The following PIK3CG variants were observed in gnomAD, a reference collection of about 807,000 sequenced individuals.
PIK3CG encodes phosphatidylinositol-4,5-bisphosphate 3-kinase catalytic subunit gamma, also known as phosphatidylinositol 4,5-bisphosphate 3-kinase catalytic subunit gamma isoform.
Under a neutral mutation model 102.3 loss-of-function variants are expected in PIK3CG, and 55 were observed. The ratio of observed to expected loss-of-function variants is 0.54; its 90% CI spans 0.43 to 0.67. The LOEUF (loss-of-function observed/expected upper bound fraction) is 0.67. Ranked by LOEUF, PIK3CG falls within the 30% of genes least tolerant of loss-of-function variation. PIK3CG has a pLI of 0.00. For synonymous variants in PIK3CG, 552 were observed against 540.0 expected (o/e 1.02, Z -0.31); for missense variants, 1,258 against 1,391.8 (o/e 0.90, Z 1.53).
intron 5 of PIK3CG, among the ~76,000 whole-genome samples, chr7:106,876,746 T>G (rs1790759306): frequency 6.6e-6 from 1 of 152,150 alleles, no homozygotes; most frequent in Non-Finnish European, 1.5e-5. Context: ...GGATACAAAT[T>G]CTTTATCAGA....
Position 106,869,527 on chromosome 7 carries a change from G to A in PIK3CG, c.1966G>A (p.Val656Ile), listed in dbSNP as rs759069924. 4 of 1,613,044 alleles carry A rather than the reference G, an allele frequency of 2.5e-6. No individual in the cohort carries two copies. The highest frequency in any genetic ancestry group is 2.2e-5 in the South Asian group (2 of 91,020). Reference sequence around the variant, plus strand: ...ACTGGAGAGCTTGGAGGACGATGATGTTCTGCATTACCTTCTACAATTGGT... The same window carrying A: ...ACTGGAGAGCTTGGAGGACGATGATATTCTGCATTACCTTCTACAATTGGT... ...QKLESLEDDD[V>I]LHYLLQLVQA... The change falls in exon 2 of 11, where the codon GTT (valine) becomes ATT (isoleucine). Residue 656 changes from valine (V) to isoleucine (I), a missense_variant. Transcript: ENST00000496166. This position sits in a 1 kb window ranked among gnomAD's most constrained non-coding sequence, Gnocchi z 5.3.
In PIK3CG at chr7:106,889,307, G is replaced by A. The variant is rs557164979; in HGVS notation, c.3030+3015G>A. Among the ~76,000 whole-genome samples the A allele has an allele frequency of 6.6e-5, 10 of 152,252 alleles. No homozygotes were observed. In the South Asian group the frequency reaches 2.1e-3, roughly 32 times the overall value. ...CAAAGTTTACAGCATGACAAAGATG[G>A]ACAGCAGAGTTTTTCATCATTTGAC... On this transcript the variant is annotated intron_variant, in intron 10 of 10. Transcript: ENST00000496166.
intron 7 of PIK3CG, 101 bp from the exon 8 acceptor site, chr7:106,882,932 A>C (rs1477566184): frequency 8.1e-6 from 8 of 982,348 alleles, no homozygotes; most frequent in East Asian, 2.6e-5. Context: ...AAAAAAAAAA[A>C]AAAAACCCTC....
rs1353736300 is a variant in PIK3CG at position 106,897,383 on chromosome 7, CTT to C, written c.3031-7724_3031-7723del. Among the ~76,000 whole-genome samples, 1 of 152,112 alleles carries C rather than the reference CTT, an allele frequency of 6.6e-6. No individual in the cohort carries two copies. The highest frequency in any genetic ancestry group is 1.9e-4 in the East Asian group (1 of 5,190). On this transcript the variant is annotated intron_variant, in intron 10 of 10. Transcript: ENST00000496166. This position sits in a 1 kb window ranked among gnomAD's most constrained non-coding sequence, Gnocchi z 4.6. ...TGTTTTACATAGAGTAAAAATCACC[CTT>C]TCTTTTATTTTTGGCTGGGGGTACA...
At position 106,872,781 on chromosome 7, in the gene PIK3CG, G is replaced by A. The variant is rs941020326; in HGVS notation, c.2130G>A (p.Gln710=). Residue 710 remains glutamine (Q), a synonymous_variant, in exon 4 of 11, where the codon CAG becomes CAA. Coordinates refer to ENST00000496166, the MANE Select transcript of PIK3CG (RefSeq NM_001282426.2). This position sits in a 1 kb window ranked among gnomAD's most constrained non-coding sequence, Gnocchi z 5.3. ...AGATAGCCCAGTCCAGACACTATCA[G>A]CAGAGGTTCGCTGTGATTCTGGAAG... The part of the protein sequence containing the change: ...RSEIAQSRHY[Q]QRFAVILEAY... The A allele has an allele frequency of 3.7e-6, 6 of 1,614,082 alleles. No individual in the cohort carries two copies. The African/African-American group carries it at 6.7e-5, about 18-fold the overall frequency.
Position 106,908,621 on chromosome 7 carries a change from G to A in PIK3CG, c.*3234G>A, listed in dbSNP as rs1025009480. Among the ~76,000 whole-genome samples the A allele has an allele frequency of 8.5e-5, 13 of 152,096 alleles. No homozygotes were observed. The highest frequency in any genetic ancestry group is 1.6e-4 in the Non-Finnish European group (11 of 68,024). ...ATATCAATTCCCAGAGAAAACTCTT[G>A]ACTTAAAAACTTAACTGTAGTAAAT... On this transcript the variant is annotated 3_prime_UTR_variant, in exon 11 of 11. Transcript: ENST00000496166. The surrounding 1 kb of genome is among the most constrained non-coding windows in gnomAD (Gnocchi z 4.1).
chr7:106,904,290 A>G (rs187003464), intron 10 of PIK3CG, among the ~76,000 whole-genome samples: 10 of 152,250 alleles, frequency 6.6e-5, no homozygotes, highest in South Asian at 6.2e-4. Flanking sequence ...ATTATGCTCA[A>G]TATTTATTAT....
chr7:106,866,651 C>T (rs557128631), intron 1 of PIK3CG, among the ~76,000 whole-genome samples: 1 of 152,198 alleles, frequency 6.6e-6, no homozygotes, highest in East Asian at 1.9e-4. Flanking sequence ...GTTAAAATTA[C>T]CTAAATGTTC....
intron 5 of PIK3CG, among the ~76,000 whole-genome samples, chr7:106,876,937 C>T (rs1301223637): frequency 6.6e-6 from 1 of 152,116 alleles, no homozygotes; most frequent in Non-Finnish European, 1.5e-5. Context: ...GTGTCTCACA[C>T]CTGTAATTCC....
rs1790425826 is a variant in PIK3CG at position 106,868,921 on chromosome 7, T to A, written c.1360T>A (p.Ser454Thr). Reference protein sequence around the residue: ...KASAESPSSESKGKVQLLYYV... With the variant: ...KASAESPSSETKGKVQLLYYV... ...CTCTGCAGAGTCCCCCAGTTCTGAG[T>A]CCAAGGGCAAAGTTCAGCTTCTCTA... is the stretch of plus-strand genomic sequence containing the variant. The change falls in exon 2 of 11, where the codon TCC becomes ACC. Residue 454 changes from serine (S) to threonine (T), a missense_variant. Coordinates refer to ENST00000496166, the MANE Select transcript of PIK3CG (RefSeq NM_001282426.2). The surrounding 1 kb of genome is among the most constrained non-coding windows in gnomAD (Gnocchi z 6.2). The A allele has an allele frequency of 1.2e-6, 2 of 1,614,116 alleles. No individual in the cohort carries two copies. The highest frequency in any genetic ancestry group is 2.7e-5 in the African/African-American group (2 of 75,000).
In PIK3CG at chr7:106,890,313, C is replaced by T. The variant is rs889783217; in HGVS notation, c.3030+4021C>T. Among the ~76,000 whole-genome samples, 1 of 152,166 alleles carries T rather than the reference C, an allele frequency of 6.6e-6. No homozygotes were observed. Among genetic ancestry groups the T allele is most frequent in the African/African-American group, 2.4e-5 (1 of 41,432 alleles). On this transcript the variant is annotated intron_variant, in intron 10 of 10. Coordinates refer to ENST00000496166, the MANE Select transcript of PIK3CG (RefSeq NM_001282426.2). The surrounding 1 kb of genome is among the most constrained non-coding windows in gnomAD (Gnocchi z 4.2). ...TCTCCTGCCTCAGCCTTCCAAGTAG[C>T]TGGGACTACAGGCGCCTGCCACCAC...
Position 106,867,855 on chromosome 7 carries a change from G to A in PIK3CG, c.294G>A (p.Leu98=), listed in dbSNP as rs746778370. 1 of 1,612,906 alleles carries A rather than the reference G, an allele frequency of 6.2e-7. No homozygotes were observed. Among genetic ancestry groups the A allele is most frequent in the African/African-American group, 1.3e-5 (1 of 75,070 alleles). ...YHRLGPHHFL[L]LYQKKGQWYE... Reference sequence around the variant, plus strand: ...GGCTGGGACCGCATCACTTCCTCCTGCTCTATCAGAAGAAGGGGCAGTGGT... The same window carrying A: ...GGCTGGGACCGCATCACTTCCTCCTACTCTATCAGAAGAAGGGGCAGTGGT... Residue 98 remains leucine (L), a synonymous_variant, in exon 2 of 11, where the codon CTG becomes CTA. Transcript: ENST00000496166. This position sits in a 1 kb window ranked among gnomAD's most constrained non-coding sequence, Gnocchi z 5.1.
chr7:106,889,617 A>G (rs544426636), intron 10 of PIK3CG, among the ~76,000 whole-genome samples: 1 of 152,356 alleles, frequency 6.6e-6, no homozygotes, highest in South Asian at 2.1e-4. Context: ...CATGCTGCGT[A>G]TTTGAATAAC....
chr7:106,889,876 C>G (rs1275330349), intron 10 of PIK3CG, among the ~76,000 whole-genome samples: 3 of 152,106 alleles, frequency 2.0e-5, no homozygotes, highest in African/African-American at 7.2e-5. Flanking sequence ...AACACAAAAC[C>G]AAGGCCCAGC....
At chr7:106,870,768 C>A (rs1584320551) in intron 2 of PIK3CG, among the ~76,000 whole-genome samples, 1 of 152,190 alleles carries the variant, frequency 6.6e-6, no homozygotes, top group African/African-American at 2.4e-5. Context: ...TGGATAGCCT[C>A]AACTTAAACT....
Position 106,879,615 on chromosome 7 carries a change from A to G in PIK3CG, c.2488A>G (p.Ile830Val). ...PTALSNETIG[I>V]IFKHGDDLRQ... Reference sequence around the variant, plus strand: ...AGCCCTATCAAATGAAACAATTGGAATTATCTTTAAACATGGTGATGATCT... The same window carrying G: ...AGCCCTATCAAATGAAACAATTGGAGTTATCTTTAAACATGGTGATGATCT... The change falls in exon 6 of 11, where the codon ATT (isoleucine) becomes GTT (valine). Residue 830 changes from isoleucine (I) to valine (V), a missense_variant. By Grantham distance (29) the Ile-to-Val change is conservative (BLOSUM62 3). Coordinates refer to ENST00000496166, the MANE Select transcript of PIK3CG (RefSeq NM_001282426.2). The surrounding 1 kb of genome is among the most constrained non-coding windows in gnomAD (Gnocchi z 4.9). 1.2e-6 allele frequency: 2 copies of G among 1,613,014 alleles called. No individual in the cohort carries two copies. Among genetic ancestry groups the G allele is most frequent in the Non-Finnish European group, 1.7e-6 (2 of 1,179,006 alleles).
At chr7:106,882,946 C>A (rs2116542319) in intron 7 of PIK3CG, 87 bp from the exon 8 acceptor site, 1 of 1,047,226 alleles carries the variant, frequency 9.5e-7, no homozygotes. Flanking sequence ...AACCCTCTGC[C>A]CTTCACTCAA....
At position 106,895,094 on chromosome 7, in the gene PIK3CG, G is replaced by A. The variant is rs1178984593; in HGVS notation, c.3030+8802G>A. The stretch of plus-strand genomic sequence containing the variant: ...TTAGCTACTAATGGAGAATGTTCTA[G>A]CTAATGGCATTAATAATAATGTAAT... On this transcript the variant is annotated intron_variant, in intron 10 of 10. Coordinates refer to ENST00000496166, the MANE Select transcript of PIK3CG (RefSeq NM_001282426.2). This position sits in a 1 kb window ranked among gnomAD's most constrained non-coding sequence, Gnocchi z 5.4. 6.6e-6 allele frequency among the ~76,000 whole-genome samples: 1 copy of A among 152,178 alleles called. No homozygotes were observed. Among genetic ancestry groups the A allele is most frequent in the Non-Finnish European group, 1.5e-5 (1 of 68,030 alleles).
chr7:106,869,067 C>T lies in PIK3CG; in HGVS notation c.1506C>T (p.Leu502=), dbSNP rs1790435019. The part of the protein sequence containing the change: ...EDQGSFNADK[L]TSATNPDKEN... ...AAGGAAGCTTCAATGCTGACAAACTCACGTCTGCAACTAACCCAGACAAGG... is the reference window on the plus strand; with the variant it reads ...AAGGAAGCTTCAATGCTGACAAACTTACGTCTGCAACTAACCCAGACAAGG... The change falls in exon 2 of 11, where the codon CTC becomes CTT. Residue 502 remains leucine (L), a synonymous_variant. Transcript: ENST00000496166. This position sits in a 1 kb window ranked among gnomAD's most constrained non-coding sequence, Gnocchi z 5.3. 3 of 1,614,224 alleles carry T rather than the reference C, an allele frequency of 1.9e-6. No homozygotes were observed. The highest frequency in any genetic ancestry group is 2.7e-5 in the African/African-American group (2 of 75,056).
Sources: gnomAD v4.1 joint callset for allele counts (sites outside exome capture counted in the v4.1 genomes callset) on GRCh38, gnomAD v4.1.1 for gene constraint, Gnocchi (gnomAD v3.1) non-coding constraint, MANE v1.5 for transcripts, NCBI Gene and HGNC (gene_info 2026-07-23, HGNC 2026-07-21) for gene names.